Variants in GOLGA4 observed in about 807,000 individuals in gnomAD.
The protein encoded by GOLGA4 is golgin subfamily A member 4.
In GOLGA4, 169 loss-of-function variants were observed where a neutral mutation model predicts 265.9. The observed-to-expected ratio is 0.64, with a 90% CI of 0.56 to 0.72. The LOEUF (loss-of-function observed/expected upper bound fraction) is 0.72. Among genes scored for constraint, GOLGA4 ranks in the 30% least tolerant of loss-of-function variants. GOLGA4 has a pLI of 0.00. For missense variants in GOLGA4, 2,482 were observed against 2,483.4 expected (o/e 1.00, Z 0.01); for synonymous variants, 923 against 855.8 (o/e 1.08, Z -1.37).
At chr3:37,271,861 C>T (rs184912135) in intron 2 of GOLGA4, among the ~76,000 whole-genome samples, 13 of 152,296 alleles carry the variant, frequency 8.5e-5, no homozygotes, top group African/African-American at 1.2e-4. Context: ...CTCCATCACC[C>T]GCATTACCAC....
intron 23 of GOLGA4, among the ~76,000 whole-genome samples, chr3:37,362,412 A>AT (rs536412478): frequency 7.5e-5 from 11 of 147,280 alleles, no homozygotes; most frequent in East Asian, 4.0e-4. Flanking sequence ...AATTTTTTGT[A>AT]TTTTTTTTTA....
At chr3:37,272,704 T>G (rs1280631863) in intron 2 of GOLGA4, among the ~76,000 whole-genome samples, 1 of 152,238 alleles carries the variant, frequency 6.6e-6, no homozygotes, top group Non-Finnish European at 1.5e-5. Flanking sequence ...TATTTGCCTT[T>G]CCTTGGTCAG....
chr3:37,366,352 A>G lies in GOLGA4; in HGVS notation c.*306A>G, dbSNP rs751051300. 8 of 389,864 alleles carry G rather than the reference A, an allele frequency of 2.1e-5. No homozygotes were observed. The highest frequency in any genetic ancestry group is 3.6e-5 in the Non-Finnish European group (8 of 220,988). The allele number at this position is 389,864 out of a possible 1,614,324, so 24.2% of individuals were successfully genotyped here. A position where few individuals can be genotyped will look rare whatever the true frequency, so the allele number is the denominator to read the frequency against. On this transcript the variant is annotated 3_prime_UTR_variant, in exon 24 of 24. Coordinates refer to ENST00000361924, the MANE Select transcript of GOLGA4 (RefSeq NM_002078.5). ...ATATTTTGATAACTTAACCTGCTTTATGGGCTTACATAATATTCCTTTCAT... is the reference window on the plus strand; with the variant it reads ...ATATTTTGATAACTTAACCTGCTTTGTGGGCTTACATAATATTCCTTTCAT...
chr3:37,333,327 A>G (rs1321270983), intron 16 of GOLGA4, among the ~76,000 whole-genome samples: 1 of 152,250 alleles, frequency 6.6e-6, no homozygotes, highest in African/African-American at 2.4e-5. Flanking sequence ...ATGTATATAC[A>G]TAAAGATTCA....
intron 20 of GOLGA4, among the ~76,000 whole-genome samples, chr3:37,341,418 T>G (rs2097033658): frequency 6.6e-6 from 1 of 152,180 alleles, no homozygotes; most frequent in African/African-American, 2.4e-5. Flanking sequence ...GGCATTCTCT[T>G]CTTTTGTGTT....
At chr3:37,342,883 C>T (rs2097041585) in intron 20 of GOLGA4, among the ~76,000 whole-genome samples, 1 of 152,196 alleles carries the variant, frequency 6.6e-6, no homozygotes, top group Non-Finnish European at 1.5e-5. Context: ...TCTAGCACCT[C>T]ATCAGTGCTG....
chr3:37,327,457 A>G lies in GOLGA4; in HGVS notation c.5571A>G (p.Lys1857=), dbSNP rs1396967325. 1.2e-6 allele frequency: 2 copies of G among 1,612,876 alleles called. No individual in the cohort carries two copies. The highest frequency in any genetic ancestry group is 2.2e-5 in the South Asian group (2 of 90,804). ...LTCQILEQKI[K]ELDSCLVRQK... ...GTCAGATTTTGGAGCAAAAGATAAA[A>G]GAGCTGGATTCCTGCTTAGTAAGAC... is the stretch of plus-strand genomic sequence containing the variant. Residue 1857 remains lysine, a synonymous_variant, in exon 14 of 24, where the codon AAA becomes AAG. Coordinates refer to ENST00000361924, the MANE Select transcript of GOLGA4 (RefSeq NM_002078.5).
intron 2 of GOLGA4, among the ~76,000 whole-genome samples, chr3:37,258,985 G>A (rs1160504114): frequency 6.6e-6 from 1 of 151,926 alleles, no homozygotes; most frequent in Non-Finnish European, 1.5e-5. Flanking sequence ...CAGTAATACA[G>A]CCCCCATGAA....
At chr3:37,322,811 A>G (rs1034846060) in intron 13 of GOLGA4, among the ~76,000 whole-genome samples, 1 of 152,024 alleles carries the variant, frequency 6.6e-6, no homozygotes, top group African/African-American at 2.4e-5. Flanking sequence ...TAAAATTCAT[A>G]TAAGTTCCTT....
intron 10 of GOLGA4, among the ~76,000 whole-genome samples, chr3:37,305,843 C>T (rs769988194): frequency 1.3e-5 from 2 of 152,128 alleles, no homozygotes; most frequent in Non-Finnish European, 2.9e-5. Flanking sequence ...GTAGACAAAT[C>T]ACTAATTCCT....
At chr3:37,309,644 C>T (rs915181419) in intron 10 of GOLGA4, among the ~76,000 whole-genome samples, 3 of 152,218 alleles carry the variant, frequency 2.0e-5, no homozygotes, top group Non-Finnish European at 4.4e-5. Context: ...TTTCATTCTA[C>T]CTATATTTTC....
chr3:37,307,672 C>T (rs2096910584), intron 10 of GOLGA4, among the ~76,000 whole-genome samples: 1 of 151,494 alleles, frequency 6.6e-6, no homozygotes. Flanking sequence ...TTTAAGTATG[C>T]CATGTTAGAT....
At chr3:37,254,440 GT>G (rs907961186) in intron 2 of GOLGA4, among the ~76,000 whole-genome samples, 41 of 151,622 alleles carry the variant, frequency 2.7e-4, no homozygotes, top group Non-Finnish European at 4.7e-4. Context: ...CTAAATAAAG[GT>G]TTTTTTGTTT....
At chr3:37,330,763 C>T (rs998116737) in intron 16 of GOLGA4, among the ~76,000 whole-genome samples, 15 of 152,086 alleles carry the variant, frequency 9.9e-5, no homozygotes, top group Admixed American at 8.5e-4. Context: ...CACGGTGGCT[C>T]ATGCCTGTAA....
In GOLGA4 at chr3:37,304,735, C is replaced by G. The variant is rs193176799; in HGVS notation, c.1234+2403C>G. ...GAAAAGGTAGACAAAATATATAGTT[C>G]ATTTACATGCGGATAAAATTTTCTG... On this transcript the variant is annotated intron_variant, in intron 10 of 23. Coordinates refer to ENST00000361924, the MANE Select transcript of GOLGA4 (RefSeq NM_002078.5). 2.9e-3 allele frequency among the ~76,000 whole-genome samples: 444 copies of G among 152,254 alleles called. 3 individuals are homozygous for G. Among genetic ancestry groups the G allele is most frequent in the African/African-American group, 0.01 (433 of 41,548 alleles).
chr3:37,349,906 CTATA>C (rs1386250531), intron 21 of GOLGA4, among the ~76,000 whole-genome samples: 2 of 152,108 alleles, frequency 1.3e-5, no homozygotes, highest in Non-Finnish European at 2.9e-5. Context: ...TAAAAGAAGA[CTATA>C]TATAGTACAT....
intron 1 of GOLGA4, among the ~76,000 whole-genome samples, chr3:37,247,753 C>G (rs1056574021): frequency 6.6e-6 from 1 of 152,106 alleles, no homozygotes; most frequent in South Asian, 2.1e-4. Context: ...TTTTTGTATG[C>G]CCATGTGGTT....
chr3:37,290,849 A>G (rs1345051226), intron 5 of GOLGA4, among the ~76,000 whole-genome samples: 1 of 152,164 alleles, frequency 6.6e-6, no homozygotes, highest in African/African-American at 2.4e-5. Context: ...CTCCTGCCTT[A>G]TATTAATAGA....
intron 2 of GOLGA4, among the ~76,000 whole-genome samples, chr3:37,260,207 T>G (rs1578385798): frequency 6.6e-6 from 1 of 151,650 alleles, no homozygotes; most frequent in Non-Finnish European, 1.5e-5. Flanking sequence ...TAAGAAAGTT[T>G]ATGAACTTGT....
Sources: gnomAD v4.1 joint callset for allele counts (sites outside exome capture counted in the v4.1 genomes callset) on GRCh38, gnomAD v4.1.1 for gene constraint, MANE v1.5 for transcripts, NCBI Gene and HGNC (gene_info 2026-07-23, HGNC 2026-07-21) for gene names.